Variants in ERICH6B observed in about 807,000 individuals in gnomAD.
ERICH6B encodes the protein glutamate rich 6B, also known as glutamate-rich protein 6B.
Under a neutral mutation model 80.0 loss-of-function variants are expected in ERICH6B, and 69 were observed. The ratio of observed to expected loss-of-function variants is 0.86; its 90% CI spans 0.71 to 1.05. The LOEUF is 1.05. ERICH6B is among the 50% of genes least tolerant of loss of function. The pLI is 0.00. For synonymous variants in ERICH6B, 283 were observed against 291.9 expected, an observed-to-expected ratio of 0.97 and a Z score of 0.31; for missense variants, 754 against 796.1, an observed-to-expected ratio of 0.95 and a Z score of 0.64.
chr13:45,586,831 G>C (rs1875925507), intron 5 of ERICH6B, among the ~76,000 whole-genome samples: 1 of 152,164 alleles, frequency 6.6e-6, no homozygotes. Flanking sequence ...TCAGTACTTT[G>C]CTGATGCTCT....
chr13:45,563,736 T>C lies in ERICH6B; in HGVS notation c.1240A>G (p.Arg414Gly). 1 of 1,552,304 alleles carries C rather than the reference T, an allele frequency of 6.4e-7. No homozygotes were observed. Among genetic ancestry groups the C allele is most frequent in the Non-Finnish European group, 8.7e-7 (1 of 1,147,114 alleles). ...FKETILRIKR[R>G]REAQKLTEMT... The stretch of plus-strand genomic sequence containing the variant: ...GTGGAGTGGTGCCTACCTTCACGTC[T>C]CCTCTTAATCCGTAAGATTGTTTCC... The change falls in exon 10 of 15, where the codon AGA (arginine) becomes GGA (glycine). Residue 414 changes from arginine (R) to glycine (G), a missense_variant. Coordinates refer to ENST00000298738, the MANE Select transcript of ERICH6B (RefSeq NM_182542.3).
intron 5 of ERICH6B, among the ~76,000 whole-genome samples, chr13:45,586,068 C>T (rs187381446): frequency 8.5e-5 from 13 of 152,228 alleles, no homozygotes; most frequent in Middle Eastern, 3.4e-3. Flanking sequence ...CAGATTTTCT[C>T]GGTGGTCATG....
At chr13:45,546,861 C>G (rs1874013927) in intron 13 of ERICH6B, among the ~76,000 whole-genome samples, 1 of 152,182 alleles carries the variant, frequency 6.6e-6, no homozygotes, top group South Asian at 2.1e-4. Context: ...GGGAGGACTT[C>G]CAGTCACTCA....
chr13:45,581,707 G>A (rs181123046), intron 5 of ERICH6B, among the ~76,000 whole-genome samples: 8 of 152,152 alleles, frequency 5.3e-5, no homozygotes, highest in Non-Finnish European at 8.8e-5. Context: ...GGACTAATAG[G>A]CCCATGATGA....
intron 10 of ERICH6B, 80 bp downstream of exon 10, chr13:45,563,647 A>T: frequency 1.6e-6 from 2 of 1,265,340 alleles, no homozygotes; most frequent in Non-Finnish European, 2.3e-6. Flanking sequence ...CCTTCTTTAC[A>T]GTACATGCAG....
intron 6 of ERICH6B, among the ~76,000 whole-genome samples, chr13:45,580,324 T>C (rs1221165563): frequency 1.3e-5 from 2 of 152,224 alleles, no homozygotes; most frequent in Admixed American, 1.3e-4. Context: ...GTAACAACAT[T>C]ATCTACCCTC....
At chr13:45,550,373 CCTA>C in intron 11 of ERICH6B, 57 bp from the exon 12 acceptor site, 1 of 1,417,106 alleles carries the variant, frequency 7.1e-7, no homozygotes, top group East Asian at 2.5e-5. Flanking sequence ...TACCAACTGT[CCTA>C]CTGCAGAGCA....
At chr13:45,604,145 G>A (rs1175155375) in intron 2 of ERICH6B, among the ~76,000 whole-genome samples, 2 of 152,246 alleles carry the variant, frequency 1.3e-5, no homozygotes, top group African/African-American at 4.8e-5. Flanking sequence ...TCACAGTGCA[G>A]TGCGGTGTAT....
At position 45,581,437 on chromosome 13, in the gene ERICH6B, T is replaced by G. The variant is rs568461694; in HGVS notation, c.857-772A>C. Among the ~76,000 whole-genome samples, 3 of 152,276 alleles carry G rather than the reference T, an allele frequency of 2.0e-5. No homozygotes were observed. The East Asian group carries it at 5.8e-4, about 29-fold the overall frequency. ...TGTTGCCCAGGTTGGAGTGTAGTGGTGAGATCTCCGCTTACTGCAACCTCC... is the reference window on the plus strand; with the variant it reads ...TGTTGCCCAGGTTGGAGTGTAGTGGGGAGATCTCCGCTTACTGCAACCTCC... On this transcript the variant is annotated intron_variant, in intron 5 of 14. Coordinates refer to ENST00000298738, the MANE Select transcript of ERICH6B (RefSeq NM_182542.3).
chr13:45,544,736 G>A lies in ERICH6B; in HGVS notation c.1872+24C>T, dbSNP rs773951795. ...ACAGGTGGGCACCCCACCTGGTGGA[G>A]GGTATGGGGAGTTGTGACCTTACCT... On this transcript the variant is annotated intron_variant, in intron 14 of 14. Transcript: ENST00000298738. 1.9e-6 allele frequency: 3 copies of A among 1,543,116 alleles called. No homozygotes were observed. In the South Asian group the frequency reaches 3.6e-5, roughly 18 times the overall value.
At chr13:45,568,289 A>G (rs1046336982) in intron 9 of ERICH6B, 26 bp downstream of exon 9, 12 of 1,516,260 alleles carry the variant, frequency 7.9e-6, no homozygotes, top group Non-Finnish European at 1.1e-5. Flanking sequence ...CCACTGACCA[A>G]TCACTTGGCC....
intron 3 of ERICH6B, among the ~76,000 whole-genome samples, chr13:45,595,527 A>ATG (rs755000077): frequency 1.4e-3 from 218 of 151,990 alleles, no homozygotes; most frequent in Middle Eastern, 0.01. Context: ...ATATAAATAT[A>ATG]TGTGTGTGTG....
At chr13:45,569,612 T>C (rs1223021564) in intron 8 of ERICH6B, among the ~76,000 whole-genome samples, 2 of 152,108 alleles carry the variant, frequency 1.3e-5, no homozygotes, top group Non-Finnish European at 2.9e-5. Context: ...TACCAACAGG[T>C]TGAGATTGCT....
rs141077391 is a variant in ERICH6B, at chr13:45,543,914, C to T, written c.1872+846G>A. ...TTGTTTCTGGCCCTGACTTCTGACA[C>T]GGCCACTGTGAGTGTCAAGTGAGAT... is the stretch of plus-strand genomic sequence containing the variant. On this transcript the variant is annotated intron_variant, in intron 14 of 14. Transcript: ENST00000298738. Among the ~76,000 whole-genome samples the T allele has an allele frequency of 2.3e-3, 352 of 152,218 alleles. 2 individuals are homozygous for T. Among genetic ancestry groups the T allele is most frequent in the African/African-American group, 8.0e-3 (334 of 41,520 alleles).
chr13:45,593,164 G>T (rs1310127534), intron 3 of ERICH6B, among the ~76,000 whole-genome samples: 1 of 152,176 alleles, frequency 6.6e-6, no homozygotes, highest in East Asian at 1.9e-4. Context: ...AAACTTTGGG[G>T]GGAATCAACC....
chr13:45,570,261 A>C (rs1875096448), intron 8 of ERICH6B, among the ~76,000 whole-genome samples: 2 of 152,130 alleles, frequency 1.3e-5, no homozygotes, highest in Non-Finnish European at 2.9e-5. Context: ...GAACCAAAAG[A>C]ATTTTCACAG....
chr13:45,588,890 A>T (rs1159626670), intron 4 of ERICH6B, among the ~76,000 whole-genome samples: 1 of 152,068 alleles, frequency 6.6e-6, no homozygotes. Context: ...TGGATCCTGG[A>T]TGCTGGGGAG....
Position 45,596,870 on chromosome 13 carries a change from C to T in ERICH6B, c.136G>A (p.Glu46Lys), listed in dbSNP as rs1480010258. 1 of 1,551,824 alleles carries T rather than the reference C, an allele frequency of 6.4e-7. No individual in the cohort carries two copies. The highest frequency in any genetic ancestry group is 1.4e-5 in the African/African-American group (1 of 73,176). Reference protein sequence around the residue: ...VELDEESLQDESPFSPEGESL... With the variant: ...VELDEESLQDKSPFSPEGESL... Reference sequence around the variant, plus strand: ...TCTCCCTCTGGAGAAAATGGAGATTCATCCTGTAGACTTTCCTCATCTAGT... The same window carrying T: ...TCTCCCTCTGGAGAAAATGGAGATTTATCCTGTAGACTTTCCTCATCTAGT... Residue 46 changes from glutamate (E) to lysine (K), a missense_variant, in exon 3 of 15, where the codon GAA becomes AAA. By Grantham distance (56) the Glu-to-Lys change is moderately conservative (BLOSUM62 1). Transcript: ENST00000298738.
intron 11 of ERICH6B, among the ~76,000 whole-genome samples, chr13:45,551,003 G>T (rs187639605): frequency 2.8e-4 from 43 of 152,228 alleles, no homozygotes; most frequent in Admixed American, 2.3e-3. Context: ...CATAACATTG[G>T]TATACTCAAA....
Sources: allele counts gnomAD v4.1 joint callset (sites outside exome capture counted in the v4.1 genomes callset), GRCh38; gene constraint gnomAD v4.1.1; transcripts MANE v1.5; gene names NCBI Gene and HGNC (gene_info 2026-07-23, HGNC 2026-07-21).